The following CDKN2B-AS1 variants were observed in gnomAD, a reference collection of about 807,000 sequenced individuals.
CDKN2B-AS1 encodes the protein CDKN2B and CDKN2A antisense cis and trans regulatory RNA 1.
chr9:22,019,544 G>A (rs1366573971), intron 1 of CDKN2B-AS1, among the ~76,000 whole-genome samples: 3 of 152,292 alleles, frequency 2.0e-5, no homozygotes, highest in East Asian at 3.9e-4. Context: ...AGGGAATGCT[G>A]GATGAGGATG....
intron 4 of CDKN2B-AS1, among the ~76,000 whole-genome samples, chr9:22,066,675 T>C: frequency 6.6e-6 from 1 of 151,940 alleles, no homozygotes. Context: ...AGCAAAGAGA[T>C]TGTGCAGTTT....
intron 4 of CDKN2B-AS1, among the ~76,000 whole-genome samples, chr9:22,123,882 C>A (rs185790706): frequency 1.5e-3 from 234 of 152,238 alleles, no homozygotes; most frequent in African/African-American, 5.4e-3. Context: ...ACTATTTTTG[C>A]AATTATGTAG....
chr9:22,054,432 A>G (rs1823473655), intron 3 of CDKN2B-AS1, among the ~76,000 whole-genome samples: 1 of 152,230 alleles, frequency 6.6e-6, no homozygotes, highest in Admixed American at 6.5e-5. Flanking sequence ...ACAATTTCTT[A>G]GGATTTGTGA....
intron 4 of CDKN2B-AS1, among the ~76,000 whole-genome samples, chr9:22,100,695 T>C (rs938534110): frequency 6.6e-6 from 1 of 152,226 alleles, no homozygotes; most frequent in African/African-American, 2.4e-5. Flanking sequence ...TAGGATGTTG[T>C]ATGGAAAATT....
intron 4 of CDKN2B-AS1, among the ~76,000 whole-genome samples, chr9:22,074,152 T>C (rs1824405277): frequency 1.3e-5 from 2 of 152,196 alleles, no homozygotes; most frequent in African/African-American, 4.8e-5. Context: ...TGTGAACCAC[T>C]GTGCTTGGCA....
intron 4 of CDKN2B-AS1, chr9:22,096,294 T>A (rs1210778500): frequency 6.6e-6 from 1 of 152,230 alleles, no homozygotes; most frequent in Non-Finnish European, 1.5e-5. Context: ...AAGTACTGTG[T>A]GAGCATTAGA....
In CDKN2B-AS1 at chr9:22,108,339, T is replaced by A. The variant is rs571886192; in HGVS notation, n.439-18764T>A. Among the ~76,000 whole-genome samples, 67 of 152,194 alleles carry A rather than the reference T, an allele frequency of 4.4e-4. 1 individual carries two copies. The South Asian group carries it at 0.014, about 31-fold the overall frequency. Reference sequence around the variant, plus strand: ...GACAATAAATCAGTCGAGAAGGGAGTATTACTCTAACGGTTTGAACACTTG... The same window carrying A: ...GACAATAAATCAGTCGAGAAGGGAGAATTACTCTAACGGTTTGAACACTTG... On this transcript the variant is annotated intron_variant and non_coding_transcript_variant, in intron 4 of 4. Transcript: ENST00000650946.
chr9:22,039,391 G>A lies in CDKN2B-AS1; in HGVS notation n.30-7360G>A, dbSNP rs747515952. Among the ~76,000 whole-genome samples, 14 of 151,870 alleles carry A rather than the reference G, an allele frequency of 9.2e-5. No individual in the cohort carries two copies. The highest frequency in any genetic ancestry group is 2.6e-4 in the Admixed American group (4 of 15,222). On this transcript the variant is annotated intron_variant and non_coding_transcript_variant, in intron 1 of 4. Coordinates refer to ENST00000650946, the Ensembl canonical transcript of CDKN2B-AS1. The surrounding 1 kb of genome is among the most constrained non-coding windows in gnomAD (Gnocchi z 4.4). ...CGCTCTTGTCCTTCACCTTCCTGTG[G>A]CAACAAGAGTCAATTCTCCATATAT...
intron 2 of CDKN2B-AS1, among the ~76,000 whole-genome samples, chr9:22,048,135 T>C (rs1023028390): frequency 3.9e-5 from 6 of 152,096 alleles, no homozygotes; most frequent in African/African-American, 1.4e-4. Context: ...AAATATGACA[T>C]AAATAATTGG....
chr9:22,087,464 G>A (rs994041733), intron 4 of CDKN2B-AS1, among the ~76,000 whole-genome samples: 2 of 152,168 alleles, frequency 1.3e-5, no homozygotes, highest in African/African-American at 4.8e-5. Context: ...GATGCTTTTA[G>A]TTGTGTTTTT....
At chr9:22,116,752 T>C (rs958833667) in intron 4 of CDKN2B-AS1, among the ~76,000 whole-genome samples, 6 of 152,068 alleles carry the variant, frequency 3.9e-5, no homozygotes, top group Non-Finnish European at 8.8e-5. Flanking sequence ...CCATAAAAGG[T>C]CCTATAGGTC....
rs138386580 is a variant in CDKN2B-AS1 at position 22,022,575 on chromosome 9, A to G, written n.30-24176A>G. Among the ~76,000 whole-genome samples the G allele has an allele frequency of 2.6e-3, 401 of 152,166 alleles. 3 individuals carry two copies. The highest frequency in any genetic ancestry group is 9.2e-3 in the African/African-American group (384 of 41,524). Reference sequence around the variant, plus strand: ...AAGATGGATCTCTTGAAGACAGCATACCGATGGGTCTTGGCTCTTTACTTG... The same window carrying G: ...AAGATGGATCTCTTGAAGACAGCATGCCGATGGGTCTTGGCTCTTTACTTG... On this transcript the variant is annotated intron_variant and non_coding_transcript_variant, in intron 1 of 4. Transcript: ENST00000650946.
chr9:22,026,827 TG>T (rs556655899), intron 1 of CDKN2B-AS1, among the ~76,000 whole-genome samples: 66 of 152,282 alleles, frequency 4.3e-4, no homozygotes, highest in African/African-American at 1.5e-3. Context: ...CGTGGCTGTG[TG>T]TGAAGGGCCT....
At chr9:22,120,337 G>T (rs951598374) in intron 4 of CDKN2B-AS1, 1 of 152,184 alleles carries the variant, frequency 6.6e-6, no homozygotes, top group East Asian at 1.9e-4. Flanking sequence ...TTGCAAATCA[G>T]ATTAAATGAT....
chr9:22,008,415 G>C (rs1821300374), intron 1 of CDKN2B-AS1, among the ~76,000 whole-genome samples: 1 of 151,998 alleles, frequency 6.6e-6, no homozygotes, highest in Non-Finnish European at 1.5e-5. Context: ...TGATTTTGTA[G>C]AATTCCTTAA....
At position 21,997,873 on chromosome 9, in the gene CDKN2B-AS1, G is replaced by A. The variant is rs3218020; in HGVS notation, n.29+2712G>A. ...CACATTATCCCGTCATGCCTGAGGG[G>A]TTCTCTGACCCTCAGTTTTCTGAGG... is the stretch of plus-strand genomic sequence containing the variant. On this transcript the variant is annotated intron_variant and non_coding_transcript_variant, in intron 1 of 4. Transcript: ENST00000650946. The surrounding 1 kb of genome is among the most constrained non-coding windows in gnomAD (Gnocchi z 4.8). Among the ~76,000 whole-genome samples, 47,963 of 151,848 alleles carry A rather than the reference G, an allele frequency of 0.32. 8,276 individuals carry two copies. Among genetic ancestry groups the A allele is most frequent in the Middle Eastern group, 0.52 (153 of 294 alleles).
intron 4 of CDKN2B-AS1, among the ~76,000 whole-genome samples, chr9:22,057,322 A>G (rs1823612280): frequency 6.6e-6 from 1 of 152,122 alleles, no homozygotes; most frequent in Non-Finnish European, 1.5e-5. Flanking sequence ...GATTAGATAC[A>G]CAAGTACATG....
At chr9:22,050,151 CAT>C (rs1823285223) in intron 3 of CDKN2B-AS1, among the ~76,000 whole-genome samples, 1 of 152,182 alleles carries the variant, frequency 6.6e-6, no homozygotes, top group Admixed American at 6.5e-5. Flanking sequence ...CATGCACACA[CAT>C]AGACTTAAGT....
At chr9:22,068,618 G>T (rs562877472) in intron 4 of CDKN2B-AS1, among the ~76,000 whole-genome samples, 36 of 152,286 alleles carry the variant, frequency 2.4e-4, no homozygotes, top group African/African-American at 7.2e-4. Context: ...TTCCAGTGAC[G>T]TAGTGTGTGG....
Sources: gnomAD v4.1 joint callset for allele counts (sites outside exome capture counted in the v4.1 genomes callset) on GRCh38, gnomAD v4.1.1 for gene constraint, Gnocchi (gnomAD v3.1) non-coding constraint, MANE v1.5 for transcripts, NCBI Gene and HGNC (gene_info 2026-07-23, HGNC 2026-07-21) for gene names.